Variants in CELF2 observed in about 807,000 individuals in gnomAD.
The protein encoded by CELF2 is CUG triplet repeat RNA-binding protein 2.
A neutral mutation model predicts 62.6 loss-of-function variants in CELF2; 8 were observed. The ratio of observed to expected loss-of-function variants is 0.13; its 90% CI spans 0.07 to 0.23. The LOEUF (loss-of-function observed/expected upper bound fraction) is 0.23, where lower values mean the gene tolerates loss of function less well. CELF2 is among the 10% of genes least tolerant of loss of function. The pLI is 1.00. For synonymous variants in CELF2, 258 were observed against 250.0 expected, an observed-to-expected ratio of 1.03 and a Z score of -0.30; for missense variants, 333 against 671.0, an observed-to-expected ratio of 0.50 and a Z score of 5.56.
intron 2 of CELF2, among the ~76,000 whole-genome samples, chr10:11,202,344 T>G (rs983815906): frequency 6.6e-6 from 1 of 152,336 alleles, no homozygotes; most frequent in Admixed American, 6.5e-5. Flanking sequence ...GTTGAATTAT[T>G]TATGTGACAA....
chr10:11,315,844 T>C lies in CELF2; in HGVS notation c.1096+1586T>C, dbSNP rs1425975326. ...CCTTCACCTAGGTCGAGGACGCGTG[T>C]GCTCGCACACATCCCCTCATGCTGC... On this transcript the variant is annotated intron_variant, in intron 10 of 12. Coordinates refer to ENST00000633077, the MANE Select transcript of CELF2 (RefSeq NM_001326342.2). The surrounding 1 kb of genome is among the most constrained non-coding windows in gnomAD (Gnocchi z 5.8). 6.6e-6 allele frequency among the ~76,000 whole-genome samples: 1 copy of C among 152,242 alleles called. No individual in the cohort carries two copies. The highest frequency in any genetic ancestry group is 1.5e-5 in the Non-Finnish European group (1 of 68,042).
chr10:11,100,755 A>G (rs2051360529), intron 1 of CELF2, among the ~76,000 whole-genome samples: 1 of 152,180 alleles, frequency 6.6e-6, no homozygotes, highest in Non-Finnish European at 1.5e-5. Flanking sequence ...ACAATGTTTA[A>G]CATTGCAAGC....
chr10:11,194,280 G>C (rs1237857874), intron 2 of CELF2, among the ~76,000 whole-genome samples: 1 of 151,966 alleles, frequency 6.6e-6, no homozygotes, highest in Non-Finnish European at 1.5e-5. Flanking sequence ...TGGCCAGGAT[G>C]ATCTCGATCT....
chr10:10,822,286 T>G (rs987315848), intron 1 of CELF2, among the ~76,000 whole-genome samples: 1 of 152,220 alleles, frequency 6.6e-6, no homozygotes, highest in Admixed American at 6.5e-5. Context: ...GTTTCTGCCT[T>G]CCTTTGCTTC....
At chr10:11,007,810 C>T (rs2055565383) in intron 1 of CELF2, among the ~76,000 whole-genome samples, 3 of 152,086 alleles carry the variant, frequency 2.0e-5, no homozygotes, top group East Asian at 1.9e-4. Flanking sequence ...GCTGCTTGTC[C>T]GTGGCCCGCT....
chr10:10,569,012 G>C, the CELF2 span, among the ~76,000 whole-genome samples: 41 of 152,168 alleles, frequency 2.7e-4, no homozygotes, highest in African/African-American at 9.9e-4. Flanking sequence ...TAGAAAAAAG[G>C]CTAGATTGAT....
intron 1 of CELF2, among the ~76,000 whole-genome samples, chr10:11,103,487 AT>A (rs3054364): frequency 0.013 from 1,615 of 119,720 alleles, 24 homozygotes; most frequent in Admixed American, 0.02. Context: ...TTGTAGCCTG[AT>A]TTTTTTTTTT....
At chr10:10,837,980 C>G (rs1180200016) in intron 1 of CELF2, among the ~76,000 whole-genome samples, 1 of 152,124 alleles carries the variant, frequency 6.6e-6, no homozygotes, top group Non-Finnish European at 1.5e-5. Context: ...GATTAATTAC[C>G]CAAAGCCTGT....
At chr10:10,935,759 C>T (rs1460319270) in intron 2 of CELF2, among the ~76,000 whole-genome samples, 1 of 152,182 alleles carries the variant, frequency 6.6e-6, no homozygotes, top group Non-Finnish European at 1.5e-5. Context: ...AGTGGTTCTG[C>T]AAATATTTCT....
At chr10:11,148,875 A>ACACACACACACACACAC (rs1252145846) in intron 1 of CELF2, among the ~76,000 whole-genome samples, 1 of 125,974 alleles carries the variant, frequency 7.9e-6, no homozygotes, top group Non-Finnish European at 1.7e-5. Context: ...CACACACACA[A>ACACACACACACACACAC]AGCAAGCCCA....
the CELF2 span, among the ~76,000 whole-genome samples, chr10:10,536,804 G>A: frequency 6.6e-6 from 1 of 152,220 alleles, no homozygotes; most frequent in Non-Finnish European, 1.5e-5. Flanking sequence ...AATCACAGAA[G>A]ACAAATGAGC....
chr10:11,016,490 T>C (rs747632312), upstream of CELF2, among the ~76,000 whole-genome samples: 1 of 152,264 alleles, frequency 6.6e-6, no homozygotes, highest in South Asian at 2.1e-4. This position sits in a 1 kb window ranked among gnomAD's most constrained non-coding sequence, Gnocchi z 5.2. Context: ...TCTGATACTT[T>C]GTATTGCTCA....
chr10:10,465,477 C>T, the CELF2 span, among the ~76,000 whole-genome samples: 1 of 152,232 alleles, frequency 6.6e-6, no homozygotes, highest in East Asian at 1.9e-4. Context: ...AATTCTTCAC[C>T]TATAGCCACA....
intron 1 of CELF2, among the ~76,000 whole-genome samples, chr10:10,833,494 A>T (rs117449434): frequency 6.6e-6 from 1 of 152,226 alleles, no homozygotes; most frequent in Admixed American, 6.5e-5. Flanking sequence ...TCAGTTAGAA[A>T]GTAGATAATT....
rs1371216604 is a variant in CELF2 at position 11,267,774 on chromosome 10, C to CT, written c.618+1104dup. 6.6e-6 allele frequency among the ~76,000 whole-genome samples: 1 copy of CT among 151,968 alleles called. No individual in the cohort carries two copies. Among genetic ancestry groups the CT allele is most frequent in the African/African-American group, 2.4e-5 (1 of 41,376 alleles). The stretch of plus-strand genomic sequence containing the variant: ...ATTATGCGTCATGTTTTGTGGGCAA[C>CT]TTTTTTTATAGTGAATCAAAAGGTG... On this transcript the variant is annotated intron_variant, in intron 6 of 12. Coordinates refer to ENST00000633077, the MANE Select transcript of CELF2 (RefSeq NM_001326342.2). The surrounding 1 kb of genome is among the most constrained non-coding windows in gnomAD (Gnocchi z 4.4).
chr10:10,845,355 C>T (rs959699992), intron 1 of CELF2, among the ~76,000 whole-genome samples: 3 of 149,972 alleles, frequency 2.0e-5, no homozygotes, highest in Non-Finnish European at 4.4e-5. Flanking sequence ...AAACTGGGAG[C>T]TGTTTTGGCA....
intron 1 of CELF2, among the ~76,000 whole-genome samples, chr10:11,060,924 C>G (rs781725033): frequency 2.1e-4 from 32 of 152,326 alleles, no homozygotes; most frequent in Non-Finnish European, 3.8e-4. Context: ...CATTCTCTGT[C>G]TTTCTCCCTC....
chr10:10,601,907 G>A, the CELF2 span, among the ~76,000 whole-genome samples: 17 of 151,100 alleles, frequency 1.1e-4, no homozygotes, highest in African/African-American at 3.9e-4. Context: ...ACCCCTCAGC[G>A]GGCCCCAGTG....
At position 11,079,444 on chromosome 10, in the gene CELF2, C is replaced by G. The variant is rs182314951; in HGVS notation, c.74+61281C>G. Among the ~76,000 whole-genome samples, 821 of 152,166 alleles carry G rather than the reference C, an allele frequency of 5.4e-3. 8 individuals are homozygous for G. Among genetic ancestry groups the G allele is most frequent in the African/African-American group, 0.019 (778 of 41,504 alleles). On this transcript the variant is annotated intron_variant, in intron 1 of 12. Transcript: ENST00000633077. ...ATCTTGCCTTGAATTGTAATAATAC[C>G]CATGAGTCAAGGGTGGGACTAGGTG...
Sources: allele counts gnomAD v4.1 joint callset (sites outside exome capture counted in the v4.1 genomes callset), GRCh38; gene constraint gnomAD v4.1.1; non-coding constraint Gnocchi (gnomAD v3.1); transcripts MANE v1.5; gene names NCBI Gene and HGNC (gene_info 2026-07-23, HGNC 2026-07-21).